Variants in ROR2 observed in about 807,000 individuals in gnomAD.
ROR2 encodes the protein ROR family WNT receptor 2.
A neutral mutation model predicts 74.9 loss-of-function variants in ROR2; 33 were observed. The ratio of observed to expected loss-of-function variants is 0.44; its 90% confidence interval spans 0.33 to 0.59. The LOEUF (loss-of-function observed/expected upper bound fraction) is 0.59. Among genes scored for constraint, ROR2 ranks in the 20% least tolerant of loss-of-function variants. The pLI, the probability that ROR2 is intolerant of heterozygous loss-of-function variation, is 0.02. For synonymous variants in ROR2, 586 were observed against 558.7 expected, an observed-to-expected ratio of 1.05 and a Z score of -0.69; for missense variants, 1,216 against 1,313.8, an observed-to-expected ratio of 0.93 and a Z score of 1.15.
chr9:91,844,095 C>T (rs974444665), intron 1 of ROR2, among the ~76,000 whole-genome samples: 11 of 152,356 alleles, frequency 7.2e-5, no homozygotes, highest in Non-Finnish European at 1.2e-4. Context: ...GAGCTGCACA[C>T]GTTTCAGCAA....
At chr9:91,818,589 G>A (rs1329430120) in intron 1 of ROR2, among the ~76,000 whole-genome samples, 1 of 152,100 alleles carries the variant, frequency 6.6e-6, no homozygotes, top group Non-Finnish European at 1.5e-5. Context: ...AGCCTTCTGA[G>A]GTGGCCGAGA....
At chr9:91,912,634 G>C (rs1831024483) in intron 1 of ROR2, among the ~76,000 whole-genome samples, 1 of 152,178 alleles carries the variant, frequency 6.6e-6, no homozygotes, top group Admixed American at 6.5e-5. Context: ...AGAATGTGAA[G>C]CTTAAGTGTT....
intron 1 of ROR2, among the ~76,000 whole-genome samples, chr9:91,908,150 G>A (rs1830866648): frequency 6.6e-6 from 1 of 152,178 alleles, no homozygotes; most frequent in South Asian, 2.1e-4. Flanking sequence ...GGGGGAGGGA[G>A]GAGTTGAAAG....
chr9:91,733,104 G>A lies in ROR2; in HGVS notation c.937+18C>T, dbSNP rs779340256. 3.9e-5 allele frequency: 62 copies of A among 1,575,140 alleles called. No homozygotes were observed. Among genetic ancestry groups the A allele is most frequent in the South Asian group, 4.6e-5 (4 of 86,938 alleles). On this transcript the variant is annotated intron_variant, in intron 6 of 8. Transcript: ENST00000375708. This position sits in a 1 kb window ranked among gnomAD's most constrained non-coding sequence, Gnocchi z 5.7. ...TCCCTGCGCCCCCCGGTCCCGCCCC[G>A]GGCCCTCGGGCACTCACAGCGGCCC...
At position 91,724,800 on chromosome 9, in the gene ROR2, A is replaced by C; in HGVS notation, c.1694T>G (p.Leu565Arg). 1 of 1,609,848 alleles carries C rather than the reference A, an allele frequency of 6.2e-7. No individual in the cohort carries two copies. Among genetic ancestry groups the C allele is most frequent in the South Asian group, 1.1e-5 (1 of 90,960 alleles). The change falls in exon 9 of 9, where the codon CTG (leucine) becomes CGG (arginine). Residue 565 changes from leucine to arginine, a missense_variant. Physicochemically the swap from Leu to Arg is moderately radical, Grantham distance 102. Coordinates refer to ENST00000375708, the MANE Select transcript of ROR2 (RefSeq NM_004560.4). ...GTCCGAGTGCGGCGAGCGCATGACC[A>C]GGAATTCGTGGAGGTCGCCGTGCGA... Reference protein sequence around the residue: ...YCSHGDLHEFLVMRSPHSDVG... With the variant: ...YCSHGDLHEFRVMRSPHSDVG...
chr9:91,855,191 C>T (rs1829240875), intron 1 of ROR2, among the ~76,000 whole-genome samples: 2 of 152,196 alleles, frequency 1.3e-5, no homozygotes. Context: ...TCACATTAGA[C>T]TCAATGCTCG....
At chr9:91,923,277 T>C (rs1035085849) in intron 1 of ROR2, among the ~76,000 whole-genome samples, 18 of 152,218 alleles carry the variant, frequency 1.2e-4, no homozygotes, top group Non-Finnish European at 1.6e-4. Context: ...CTATCTCCAC[T>C]GTCCAGTGTG....
chr9:91,859,197 CTTTT>C (rs541283275), intron 1 of ROR2, among the ~76,000 whole-genome samples: 93 of 121,324 alleles, frequency 7.7e-4, no homozygotes, highest in East Asian at 1.2e-3. Flanking sequence ...GAAAGTATTC[CTTTT>C]TTTTTTTTTT....
intron 1 of ROR2, among the ~76,000 whole-genome samples, chr9:91,803,590 GACA>G (rs1827459064): frequency 6.6e-6 from 1 of 152,068 alleles, no homozygotes; most frequent in African/African-American, 2.4e-5. Flanking sequence ...CACAGAAGGA[GACA>G]ACAACAAAAA....
At chr9:91,909,847 G>GTTTTGTTTTTTTTTTTT (rs1830917603) in intron 1 of ROR2, among the ~76,000 whole-genome samples, 1 of 53,598 alleles carries the variant, frequency 1.9e-5, no homozygotes, top group Non-Finnish European at 3.1e-5. Context: ...GGTTTGTTTT[G>GTTTTGTTTTTTTTTTTT]TTTTTTTTTT....
At chr9:91,904,833 C>T (rs933537431) in intron 1 of ROR2, among the ~76,000 whole-genome samples, 6 of 152,136 alleles carry the variant, frequency 3.9e-5, no homozygotes, top group Admixed American at 1.3e-4. Flanking sequence ...AAACAAACTG[C>T]TCATCACTCA....
In ROR2 at chr9:91,950,021, G is replaced by A; in HGVS notation, c.-58C>T. ...AGCTTCGGGCCGGGGCGCGGGGTCG[G>A]GCGCCACCACCCCTTTCTACGATGC... On this transcript the variant is annotated 5_prime_UTR_variant, in exon 1 of 9. Transcript: ENST00000375708. 1 of 891,676 alleles carries A rather than the reference G, an allele frequency of 1.1e-6. No individual in the cohort carries two copies. Among genetic ancestry groups the A allele is most frequent in the Non-Finnish European group, 1.6e-6 (1 of 645,122 alleles). The allele number at this position is 891,676 out of a possible 1,614,324, so 55.2% of individuals were successfully genotyped here.
At position 91,786,358 on chromosome 9, in the gene ROR2, A is replaced by G. The variant is rs74948584; in HGVS notation, c.98-10540T>C. Among the ~76,000 whole-genome samples, 186 of 21,818 alleles carry G rather than the reference A, an allele frequency of 8.5e-3. 1 individual carries two copies. Among genetic ancestry groups the G allele is most frequent in the East Asian group, 0.07 (44 of 632 alleles). The allele number at this position is 21,818 out of a possible 152,430, so 14.3% of individuals were successfully genotyped here. A position where few individuals can be genotyped will look rare whatever the true frequency, so the allele number is the denominator to read the frequency against. On this transcript the variant is annotated intron_variant, in intron 1 of 8. Coordinates refer to ENST00000375708, the MANE Select transcript of ROR2 (RefSeq NM_004560.4). ...AATCAATCAATCAATCAATAAGTAA[A>G]TAAATAAATAAATAAATAAATAAAT...
chr9:91,848,969 T>C (rs894968377), intron 1 of ROR2, among the ~76,000 whole-genome samples: 5 of 152,150 alleles, frequency 3.3e-5, no homozygotes, highest in East Asian at 1.9e-4. Flanking sequence ...ATCAGGACTC[T>C]TACAATGGAC....
At chr9:91,748,440 T>C (rs1048206283) in intron 4 of ROR2, among the ~76,000 whole-genome samples, 5 of 152,196 alleles carry the variant, frequency 3.3e-5, no homozygotes, top group African/African-American at 1.2e-4. Context: ...ATAATTTTTA[T>C]TGAATACATA....
intron 1 of ROR2, among the ~76,000 whole-genome samples, chr9:91,936,962 G>A (rs1466763656): frequency 6.9e-6 from 1 of 144,098 alleles, no homozygotes; most frequent in Non-Finnish European, 1.5e-5. Flanking sequence ...CCCGGGAGGC[G>A]GAGCTTGCAG....
intron 1 of ROR2, among the ~76,000 whole-genome samples, chr9:91,829,155 A>G (rs1828381817): frequency 6.6e-6 from 1 of 152,246 alleles, no homozygotes; most frequent in Admixed American, 6.5e-5. Flanking sequence ...TAAACTTCAC[A>G]GGCAGTCGCT....
intron 1 of ROR2, among the ~76,000 whole-genome samples, chr9:91,791,472 G>A (rs553451159): frequency 1.2e-3 from 177 of 152,178 alleles, no homozygotes; most frequent in East Asian, 4.4e-3. Flanking sequence ...ATGCATGATC[G>A]TATAAGGCAA....
chr9:91,739,375 C>T (rs1474177226), intron 4 of ROR2, among the ~76,000 whole-genome samples: 4 of 152,094 alleles, frequency 2.6e-5, no homozygotes, highest in East Asian at 3.9e-4. Flanking sequence ...GGCGTGGTGG[C>T]GTGTGCCTGT....
Sources: gnomAD v4.1 joint callset for allele counts (sites outside exome capture counted in the v4.1 genomes callset) on GRCh38, gnomAD v4.1.1 for gene constraint, Gnocchi (gnomAD v3.1) non-coding constraint, MANE v1.5 for transcripts, NCBI Gene and HGNC (gene_info 2026-07-23, HGNC 2026-07-21) for gene names.